PSD3: variants seen among roughly 807,000 people sequenced by gnomAD.
The protein encoded by PSD3 is pleckstrin and Sec7 domain containing 3, also known as PH and SEC7 domain-containing protein 3.
A neutral mutation model predicts 105.5 loss-of-function variants in PSD3; 49 were observed. That is an observed-to-expected ratio of 0.46 (90% CI 0.37 to 0.59). PSD3 has a LOEUF of 0.59. Among genes scored for constraint, PSD3 ranks in the 20% least tolerant of loss-of-function variants. The probability of loss-of-function intolerance (pLI) is 0.00; values close to 1 mark genes in which losing one functional copy is unlikely to be tolerated. For missense variants in PSD3, 1,561 were observed against 1,263.8 expected, an observed-to-expected ratio of 1.24 and a Z score of -3.57; for synonymous variants, 557 against 457.8, an observed-to-expected ratio of 1.22 and a Z score of -2.77.
At chr8:18,536,129 A>G (rs1290548039) in intron 15 of PSD3, among the ~76,000 whole-genome samples, 171 bp from the exon 16 acceptor site, 1 of 152,260 alleles carries the variant, frequency 6.6e-6, no homozygotes, top group Admixed American at 6.5e-5. Context: ...AGAGGCAACT[A>G]CAGAGACTGT....
intron 3 of PSD3, among the ~76,000 whole-genome samples, chr8:18,871,067 C>A (rs1320401345): frequency 6.6e-6 from 1 of 152,140 alleles, no homozygotes; most frequent in Non-Finnish European, 1.5e-5. Flanking sequence ...CCACCATACT[C>A]CGGCCCGGGG....
At chr8:18,655,488 T>C (rs1391784395) in intron 10 of PSD3, among the ~76,000 whole-genome samples, 154 bp downstream of exon 10, 2 of 152,188 alleles carry the variant, frequency 1.3e-5, no homozygotes, top group Admixed American at 6.5e-5. Flanking sequence ...CTGGGTTTAC[T>C]TGTATAAAGC....
At chr8:18,821,840 C>A (rs951138406) in intron 4 of PSD3, among the ~76,000 whole-genome samples, 19 of 106,632 alleles carry the variant, frequency 1.8e-4, no homozygotes, top group African/African-American at 7.7e-4. Context: ...GAAGGGAATA[C>A]CCACACACAC....
In PSD3 at chr8:18,575,325, A is replaced by G. The variant is rs1802403174; in HGVS notation, c.2482-40T>C. On this transcript the variant is annotated intron_variant, in intron 12 of 15. Transcript: ENST00000327040. ...AAAGAAAATAAAGGCAAAAATCACGATCAGATTTCAACTTAATTTTTTAAA... is the reference window on the plus strand; with the variant it reads ...AAAGAAAATAAAGGCAAAAATCACGGTCAGATTTCAACTTAATTTTTTAAA... The G allele has an allele frequency of 3.3e-6, 5 of 1,508,362 alleles. No homozygotes were observed. In the East Asian group the frequency reaches 9.5e-5, roughly 29 times the overall value. 93.4% of individuals were successfully genotyped at this position (1,508,362 alleles called of 1,614,324 possible).
Position 18,855,227 on chromosome 8 carries a change from G to T in PSD3, c.1634+12447C>A, listed in dbSNP as rs371195873. On this transcript the variant is annotated intron_variant, in intron 4 of 15. Transcript: ENST00000327040. ...AGTGGATAAAAATTATACACTCGAA[G>T]AACATGTAATATGCCCTTTCAAGAA... Among the ~76,000 whole-genome samples, 19 of 152,288 alleles carry T rather than the reference G, an allele frequency of 1.2e-4. No individual in the cohort carries two copies. In the East Asian group the frequency reaches 3.1e-3, roughly 25 times the overall value.
intron 4 of PSD3, among the ~76,000 whole-genome samples, chr8:18,834,410 G>A (rs749197172): frequency 1.4e-4 from 22 of 152,112 alleles, no homozygotes; most frequent in Non-Finnish European, 2.5e-4. Flanking sequence ...TCAAAAAATC[G>A]GCAAAATACA....
At chr8:18,701,132 AT>A (rs35402329) in intron 9 of PSD3, among the ~76,000 whole-genome samples, 41 of 138,044 alleles carry the variant, frequency 3.0e-4, no homozygotes, top group African/African-American at 7.5e-4. Flanking sequence ...AGCCTGGCTG[AT>A]TTTTTTTTTT....
chr8:18,830,791 G>A (rs184172000), intron 4 of PSD3, among the ~76,000 whole-genome samples: 17 of 152,246 alleles, frequency 1.1e-4, no homozygotes, highest in East Asian at 1.9e-4. Context: ...TCTGCTTCCC[G>A]TTTCAGGGTT....
chr8:18,812,640 G>C (rs1002966298), intron 4 of PSD3, among the ~76,000 whole-genome samples: 1 of 152,032 alleles, frequency 6.6e-6, no homozygotes, highest in African/African-American at 2.4e-5. Context: ...GGTTACCATC[G>C]ACCAAGACAT....
At chr8:18,881,307 C>A (rs1363290795) in intron 2 of PSD3, among the ~76,000 whole-genome samples, 1 of 152,010 alleles carries the variant, frequency 6.6e-6, no homozygotes, top group Non-Finnish European at 1.5e-5. Flanking sequence ...AACACAGGGA[C>A]AGAGCTGTAA....
At chr8:18,806,022 T>G (rs1429094134) in intron 4 of PSD3, among the ~76,000 whole-genome samples, 1 of 152,216 alleles carries the variant, frequency 6.6e-6, no homozygotes, top group Admixed American at 6.5e-5. Context: ...ATGTTTTTCC[T>G]GGAGACTACC....
rs1339897600 is a variant in PSD3, at chr8:18,666,724, T to TGG, written c.2173-11041_2173-11040dup. On this transcript the variant is annotated intron_variant, in intron 9 of 15. Transcript: ENST00000327040. ...ATGTAGCTTCACTATTGCTTTTTTT[T>TGG]GGGGGGTGGGGGGAAGTAGCTGGAA... Among the ~76,000 whole-genome samples the TGG allele has an allele frequency of 8.3e-3, 1,117 of 134,998 alleles. 2 individuals carry two copies. The highest frequency in any genetic ancestry group is 0.02 in the Admixed American group (245 of 12,360). 88.6% of individuals were successfully genotyped at this position (134,998 alleles called of 152,430 possible).
chr8:18,696,150 G>A (rs1015196734), intron 9 of PSD3, among the ~76,000 whole-genome samples: 5 of 152,164 alleles, frequency 3.3e-5, no homozygotes, highest in African/African-American at 9.7e-5. Flanking sequence ...ACCGACCTCC[G>A]GTCCCAGAGC....
chr8:18,611,990 C>T lies in PSD3; in HGVS notation c.2411-11556G>A, dbSNP rs1405226479. Among the ~76,000 whole-genome samples, 3 of 152,280 alleles carry T rather than the reference C, an allele frequency of 2.0e-5. No individual in the cohort carries two copies. The East Asian group carries it at 5.8e-4, about 29-fold the overall frequency. On this transcript the variant is annotated intron_variant, in intron 11 of 15. Transcript: ENST00000327040. Reference sequence around the variant, plus strand: ...TTCTCACACAAAGACTTGATGATGACTATCACATTGTCTAAGGTGGAATGT... The same window carrying T: ...TTCTCACACAAAGACTTGATGATGATTATCACATTGTCTAAGGTGGAATGT...
At chr8:18,701,539 T>C (rs1200736806) in intron 9 of PSD3, among the ~76,000 whole-genome samples, 1 of 152,184 alleles carries the variant, frequency 6.6e-6, no homozygotes, top group Non-Finnish European at 1.5e-5. Flanking sequence ...TGAACATTTA[T>C]ATTGCAGTCC....
chr8:18,865,257 TATATATATATATATATATATA>T (rs1563360189), intron 4 of PSD3: 80 of 4,506 alleles, frequency 0.018, 7 homozygotes, highest in Non-Finnish European at 0.026. Context: ...TATATATATA[TATATATATATATATATATATA>T]TATATATATT....
intron 1 of PSD3, among the ~76,000 whole-genome samples, chr8:19,050,518 G>A (rs1358156120): frequency 1.2e-4 from 19 of 152,106 alleles, no homozygotes; most frequent in Admixed American, 1.2e-3. Flanking sequence ...AAAAAATGAT[G>A]AGTTCACATC....
chr8:19,014,785 G>T (rs1202266129), upstream of PSD3, among the ~76,000 whole-genome samples: 3 of 152,238 alleles, frequency 2.0e-5, no homozygotes, highest in Non-Finnish European at 4.4e-5. This position sits in a 1 kb window ranked among gnomAD's most constrained non-coding sequence, Gnocchi z 4.9. Flanking sequence ...AGCATGGGCT[G>T]CCCGGTGAGC....
chr8:18,793,427 T>C (rs190144743), intron 8 of PSD3, among the ~76,000 whole-genome samples: 20 of 148,608 alleles, frequency 1.3e-4, no homozygotes, highest in Admixed American at 1.3e-3. Flanking sequence ...GCAAACCACG[T>C]TGGCATTTGT....
Sources: allele counts gnomAD v4.1 joint callset (sites outside exome capture counted in the v4.1 genomes callset), GRCh38; gene constraint gnomAD v4.1.1; non-coding constraint Gnocchi (gnomAD v3.1); transcripts MANE v1.5; gene names NCBI Gene and HGNC (gene_info 2026-07-23, HGNC 2026-07-21).